Variants in UNC13C observed in about 807,000 individuals in gnomAD.
UNC13C encodes protein unc-13 homolog C.
UNC13C carries 174 observed loss-of-function variants against 245.4 expected under a neutral mutation model. The observed-to-expected ratio is 0.71, with a 90% confidence interval of 0.63 to 0.80. The LOEUF (loss-of-function observed/expected upper bound fraction) is 0.80. Ranked by LOEUF, UNC13C falls within the 30% of genes least tolerant of loss-of-function variation. The pLI, the probability that UNC13C is intolerant of heterozygous loss-of-function variation, is 0.00. For synonymous variants in UNC13C, 992 were observed against 895.1 expected (o/e 1.11, Z -1.93); for missense variants, 2,829 against 2,602.9 (o/e 1.09, Z -1.89).
chr15:54,066,472 A>G (rs1898081349), intron 2 of UNC13C, among the ~76,000 whole-genome samples: 1 of 152,172 alleles, frequency 6.6e-6, no homozygotes, highest in Non-Finnish European at 1.5e-5. Context: ...TCCATGGTCA[A>G]ATTCAATATC....
intron 13 of UNC13C, chr15:54,321,216 A>G (rs1226350271): frequency 4.1e-6 from 2 of 492,702 alleles, no homozygotes; most frequent in Non-Finnish European, 7.9e-6. Context: ...TTATGGAGCC[A>G]TGGTCATCAA....
intron 1 of UNC13C, among the ~76,000 whole-genome samples, chr15:53,981,795 G>A (rs1893937276): frequency 1.3e-5 from 2 of 152,022 alleles, no homozygotes; most frequent in South Asian, 4.1e-4. Context: ...CTAACCTCTA[G>A]GTCAAAAGTC....
intron 23 of UNC13C, 56 bp downstream of exon 23, chr15:54,507,250 A>C: frequency 3.5e-6 from 4 of 1,134,968 alleles, no homozygotes; most frequent in Non-Finnish European, 2.6e-6. Context: ...TTACTTCTTC[A>C]AAGTATGAGT....
rs534503953 is a variant in UNC13C at position 54,063,854 on chromosome 15, A to G, written c.2983+47968A>G. 1.4e-4 allele frequency among the ~76,000 whole-genome samples: 21 copies of G among 152,250 alleles called. 1 individual carries two copies. The South Asian group carries it at 4.2e-3, about 30-fold the overall frequency. On this transcript the variant is annotated intron_variant, in intron 2 of 32. Transcript: ENST00000260323. ...CTGCCTTAGAGAGTCTGTCATTGAG[A>G]AGGAGGGGAAAGGGCCATTAGACAA...
At position 54,392,741 on chromosome 15, in the gene UNC13C, T is replaced by A. The variant is rs569677688; in HGVS notation, c.4714-307T>A. On this transcript the variant is annotated intron_variant, in intron 17 of 32. Transcript: ENST00000260323. ...TTTCTAATAATAATAATTCTTAAGG[T>A]CATGAACTTGTAATCATCAGAGGCA... Among the ~76,000 whole-genome samples the A allele has an allele frequency of 2.7e-5, 4 of 150,840 alleles. No homozygotes were observed. The East Asian group carries it at 7.8e-4, about 30-fold the overall frequency.
chr15:54,457,544 A>G (rs923319191), intron 19 of UNC13C, among the ~76,000 whole-genome samples: 2 of 151,928 alleles, frequency 1.3e-5, no homozygotes, highest in African/African-American at 4.8e-5. Context: ...AGACTATTTT[A>G]GTCTTGCTAC....
intron 2 of UNC13C, among the ~76,000 whole-genome samples, chr15:54,042,714 A>C (rs548430030): frequency 5.3e-5 from 8 of 152,066 alleles, no homozygotes; most frequent in East Asian, 1.9e-4. Context: ...TTAGCCGGGC[A>C]TGGTGGTGGG....
chr15:54,201,568 T>C (rs2034523847), intron 4 of UNC13C, among the ~76,000 whole-genome samples: 1 of 151,964 alleles, frequency 6.6e-6, no homozygotes, highest in African/African-American at 2.4e-5. Flanking sequence ...AAAAGTCACA[T>C]GATTATCTCA....
chr15:54,034,162 G>T (rs1319577502), intron 2 of UNC13C, among the ~76,000 whole-genome samples: 1 of 152,202 alleles, frequency 6.6e-6, no homozygotes, highest in Non-Finnish European at 1.5e-5. Context: ...GGTCAAGTTT[G>T]CAGGTCAAAT....
At chr15:54,592,606 G>GAAT (rs1403135347) in intron 30 of UNC13C, among the ~76,000 whole-genome samples, 1 of 152,128 alleles carries the variant, frequency 6.6e-6, no homozygotes. Flanking sequence ...TCGGATATAA[G>GAAT]AATAGCTACC....
intron 4 of UNC13C, among the ~76,000 whole-genome samples, chr15:54,190,352 A>T (rs1312421645): frequency 6.6e-6 from 1 of 152,172 alleles, no homozygotes; most frequent in African/African-American, 2.4e-5. Flanking sequence ...CTACATAGCA[A>T]TAAGCAAATC....
intron 19 of UNC13C, among the ~76,000 whole-genome samples, chr15:54,429,241 T>C (rs2040818605): frequency 6.6e-6 from 1 of 151,820 alleles, no homozygotes; most frequent in Non-Finnish European, 1.5e-5. Flanking sequence ...ATATAAATCA[T>C]ATTTCAATAA....
the UNC13C span, among the ~76,000 whole-genome samples, chr15:53,961,116 T>A: frequency 6.6e-5 from 10 of 152,336 alleles, no homozygotes; most frequent in South Asian, 2.1e-4. Flanking sequence ...CTTTCCTTCA[T>A]CCCTGAGGTT....
chr15:54,405,784 C>G (rs2040279157), intron 18 of UNC13C, among the ~76,000 whole-genome samples: 1 of 151,992 alleles, frequency 6.6e-6, no homozygotes, highest in Non-Finnish European at 1.5e-5. Flanking sequence ...TTCATTTTTT[C>G]TCCCCTATTT....
intron 2 of UNC13C, among the ~76,000 whole-genome samples, chr15:54,088,201 CTTTTTTTTTTT>C (rs59075201): frequency 9.6e-6 from 1 of 103,926 alleles, no homozygotes; most frequent in Non-Finnish European, 1.9e-5. Context: ...CTTCCTTTTC[CTTTTTTTTTTT>C]TTTTTTTTTT....
chr15:54,328,035 A>G (rs1231347921), intron 14 of UNC13C, among the ~76,000 whole-genome samples: 1 of 152,136 alleles, frequency 6.6e-6, no homozygotes, highest in East Asian at 1.9e-4. Context: ...GAAGAAGCCT[A>G]TCTAAAGTTT....
At chr15:54,525,471 A>C in intron 24 of UNC13C, 78 bp from the exon 25 acceptor site, 1 of 1,008,002 alleles carries the variant, frequency 9.9e-7, no homozygotes, top group East Asian at 2.6e-5. Flanking sequence ...ACCATATAAT[A>C]ATCAAAATGC....
chr15:53,898,227 T>A, the UNC13C span, among the ~76,000 whole-genome samples: 58 of 152,132 alleles, frequency 3.8e-4, no homozygotes, highest in South Asian at 0.01. Context: ...ATCATCATCA[T>A]CATCATCTTC....
chr15:54,085,622 A>G, intron 2 of UNC13C, among the ~76,000 whole-genome samples: 1 of 152,108 alleles, frequency 6.6e-6, no homozygotes, highest in Non-Finnish European at 1.5e-5. Context: ...TTATTTATTT[A>G]TTATTTATAG....
Sources: gnomAD v4.1 joint callset for allele counts (sites outside exome capture counted in the v4.1 genomes callset) on GRCh38, gnomAD v4.1.1 for gene constraint, MANE v1.5 for transcripts, NCBI Gene and HGNC (gene_info 2026-07-23, HGNC 2026-07-21) for gene names.